The following SLC25A24 variants were observed in gnomAD, a reference collection of about 807,000 sequenced individuals.
SLC25A24 encodes the protein mitochondrial adenyl nucleotide antiporter SLC25A24.
A neutral mutation model predicts 60.7 loss-of-function variants in SLC25A24; 49 were observed. The ratio of observed to expected loss-of-function variants is 0.81; its 90% CI spans 0.64 to 1.02. SLC25A24 has a LOEUF of 1.02. Among genes scored for constraint, SLC25A24 ranks in the 50% least tolerant of loss-of-function variants. The probability of loss-of-function intolerance (pLI) is 0.00; values close to 1 mark genes in which losing one functional copy is unlikely to be tolerated. For missense variants in SLC25A24, 564 were observed against 586.3 expected (o/e 0.96, Z 0.39); for synonymous variants, 202 against 200.6 (o/e 1.01, Z -0.06).
rs145191683 is a variant in SLC25A24 at position 108,135,529 on chromosome 1, C to T, written c.*1124G>A. On this transcript the variant is annotated 3_prime_UTR_variant, in exon 10 of 10. Transcript: ENST00000565488. ...ATGCTCTCATTATTATAAATTAAGT[C>T]TCCTATATCCTAACATGTTCCTAAA... The T allele has an allele frequency of 1.3e-5, 2 of 152,278 alleles. No homozygotes were observed. The highest frequency in any genetic ancestry group is 4.8e-5 in the African/African-American group (2 of 41,560). 9.4% of individuals were successfully genotyped at this position (152,278 alleles called of 1,614,324 possible). A position where few individuals can be genotyped will look rare whatever the true frequency, so the allele number is the denominator to read the frequency against.
At chr1:108,146,920 C>T (rs151242103) in intron 7 of SLC25A24, among the ~76,000 whole-genome samples, 1,673 of 152,234 alleles carry the variant, frequency 0.011, 28 homozygotes, top group African/African-American at 0.038. Context: ...CAGAATGATG[C>T]TGCCCTCATA....
At chr1:108,176,399 T>G (rs1647675075) in intron 3 of SLC25A24, among the ~76,000 whole-genome samples, 1 of 151,994 alleles carries the variant, frequency 6.6e-6, no homozygotes, top group Non-Finnish European at 1.5e-5. Context: ...GAGCAAAGTT[T>G]TGAGTCACAG....
chr1:108,142,518 C>G (rs1283877413), intron 8 of SLC25A24, among the ~76,000 whole-genome samples: 28 of 152,000 alleles, frequency 1.8e-4, no homozygotes, highest in Admixed American at 1.8e-3. Context: ...AAATCAGACA[C>G]AAAAAGAAAA....
intron 3 of SLC25A24, among the ~76,000 whole-genome samples, chr1:108,180,447 T>C (rs1647873677): frequency 6.6e-6 from 1 of 152,170 alleles, no homozygotes; most frequent in Admixed American, 6.5e-5. Context: ...TGCATTATCC[T>C]TTGCTATGGA....
intron 9 of SLC25A24, among the ~76,000 whole-genome samples, chr1:108,138,131 G>C (rs1012460907): frequency 6.6e-6 from 1 of 152,216 alleles, no homozygotes; most frequent in Non-Finnish European, 1.5e-5. Flanking sequence ...CCTAACAAAA[G>C]AGGAGTTGGT....
At position 108,161,097 on chromosome 1, in the gene SLC25A24, A is replaced by G. The variant is rs1680066070; in HGVS notation, c.510+85T>C. 7.0e-6 allele frequency: 5 copies of G among 709,510 alleles called. No individual in the cohort carries two copies. In the South Asian group the frequency reaches 7.5e-5, roughly 11 times the overall value. 44.0% of individuals were successfully genotyped at this position (709,510 alleles called of 1,614,324 possible). A position where few individuals can be genotyped will look rare whatever the true frequency, so the allele number is the denominator to read the frequency against. ...TACTGGGACTCAGGTATCCTGGCCC[A>G]TAAGTGTTACAGAGTGTTCTTGGGT... On this transcript the variant is annotated intron_variant, in intron 4 of 9. Transcript: ENST00000565488.
intron 2 of SLC25A24, among the ~76,000 whole-genome samples, chr1:108,182,295 G>C (rs1484727388): frequency 6.6e-6 from 1 of 152,160 alleles, no homozygotes; most frequent in Non-Finnish European, 1.5e-5. Context: ...CAAAGAGACT[G>C]ACTTCACAAG....
intron 3 of SLC25A24, among the ~76,000 whole-genome samples, chr1:108,161,860 A>G (rs1251249908): frequency 6.6e-6 from 1 of 151,728 alleles, no homozygotes; most frequent in Non-Finnish European, 1.5e-5. Flanking sequence ...GGTTAGTTAC[A>G]TATGTATACA....
chr1:108,196,823 G>A (rs970709614), intron 1 of SLC25A24, among the ~76,000 whole-genome samples: 3 of 151,888 alleles, frequency 2.0e-5, no homozygotes, highest in Non-Finnish European at 2.9e-5. Context: ...AAGAAGATGG[G>A]GGTAGAAGGA....
chr1:108,165,140 G>A (rs1427143939), intron 3 of SLC25A24, among the ~76,000 whole-genome samples: 2 of 151,134 alleles, frequency 1.3e-5, no homozygotes, highest in Admixed American at 6.6e-5. Context: ...TAGTTTGATT[G>A]CACTGTGGTC....
intron 3 of SLC25A24, among the ~76,000 whole-genome samples, chr1:108,170,284 C>A (rs573826128): frequency 1.3e-5 from 2 of 152,188 alleles, no homozygotes; most frequent in East Asian, 3.9e-4. Context: ...TAATTTATGT[C>A]TGTAATTAAC....
chr1:108,135,824 A>C lies in SLC25A24; in HGVS notation c.*829T>G, dbSNP rs1370311802. 1.3e-5 allele frequency: 2 copies of C among 152,624 alleles called. No individual in the cohort carries two copies. Among genetic ancestry groups the C allele is most frequent in the African/African-American group, 4.8e-5 (2 of 41,462 alleles). The allele number at this position is 152,624 out of a possible 1,614,324, so 9.5% of individuals were successfully genotyped here. ...GTCCCAAGAAGTCTTCCTGACTAAA[A>C]CGGAATCTGATTCAAAAGGTAGGAA... is the stretch of plus-strand genomic sequence containing the variant. On this transcript the variant is annotated 3_prime_UTR_variant, in exon 10 of 10. Transcript: ENST00000565488.
intron 4 of SLC25A24, among the ~76,000 whole-genome samples, chr1:108,159,084 A>T (rs7535267): frequency 0.47 from 71,300 of 152,144 alleles, 16,914 homozygotes; most frequent in Middle Eastern, 0.59. Flanking sequence ...TCAGGAGCAG[A>T]TTGCACAATA....
At chr1:108,184,353 A>C (rs1648045828) in intron 2 of SLC25A24, among the ~76,000 whole-genome samples, 1 of 152,222 alleles carries the variant, frequency 6.6e-6, no homozygotes, top group African/African-American at 2.4e-5. Context: ...TGTTGGAATG[A>C]AAGTTTGCAG....
At chr1:108,197,436 T>C (rs576378926) in intron 1 of SLC25A24, among the ~76,000 whole-genome samples, 1 of 152,306 alleles carries the variant, frequency 6.6e-6, no homozygotes, top group Admixed American at 6.5e-5. Context: ...ACCTTGAAAC[T>C]TTCCACCGAA....
chr1:108,173,538 A>G (rs1647557611), intron 3 of SLC25A24, among the ~76,000 whole-genome samples: 1 of 152,212 alleles, frequency 6.6e-6, no homozygotes, highest in African/African-American at 2.4e-5. Context: ...GCAGCGTGAG[A>G]ATGAACTAAT....
chr1:108,158,821 G>A (rs1052082700), intron 4 of SLC25A24, among the ~76,000 whole-genome samples: 2 of 151,792 alleles, frequency 1.3e-5, no homozygotes, highest in Admixed American at 6.6e-5. Flanking sequence ...CTAACACGGT[G>A]AAACCCCGTC....
chr1:108,159,791 T>C (rs1352485215), intron 4 of SLC25A24, among the ~76,000 whole-genome samples: 22 of 150,576 alleles, frequency 1.5e-4, no homozygotes, highest in African/African-American at 2.9e-4. Flanking sequence ...GGTAAGGTCA[T>C]AGATCAACAG....
intron 5 of SLC25A24, among the ~76,000 whole-genome samples, chr1:108,155,447 GC>G (rs1169356443): frequency 1.3e-5 from 2 of 151,738 alleles, no homozygotes; most frequent in African/African-American, 4.8e-5. Context: ...TATGTATCAG[GC>G]AATGGAACAC....
Sources: gnomAD v4.1 joint callset for allele counts (sites outside exome capture counted in the v4.1 genomes callset) on GRCh38, gnomAD v4.1.1 for gene constraint, MANE v1.5 for transcripts, NCBI Gene and HGNC (gene_info 2026-07-23, HGNC 2026-07-21) for gene names.